The following DCLK2 variants were observed in gnomAD, a reference collection of about 807,000 sequenced individuals.
The protein encoded by DCLK2 is doublecortin like kinase 2.
A neutral mutation model predicts 78.4 loss-of-function variants in DCLK2; 31 were observed. The ratio of observed to expected loss-of-function variants is 0.40; its 90% CI spans 0.30 to 0.53. DCLK2 has a LOEUF of 0.53. Ranked by LOEUF, DCLK2 falls within the 20% of genes least tolerant of loss-of-function variation. DCLK2 has a pLI of 0.61. For missense variants in DCLK2, 872 were observed against 973.7 expected (o/e 0.90, Z 1.39); for synonymous variants, 407 against 374.9 (o/e 1.09, Z -0.99).
chr4:150,213,656 T>A (rs1580728877), intron 5 of DCLK2, among the ~76,000 whole-genome samples: 1 of 152,068 alleles, frequency 6.6e-6, no homozygotes, highest in African/African-American at 2.4e-5. Context: ...AAAGAAAAAA[T>A]TTATCTTAAA....
At chr4:150,150,628 C>G (rs1474729882) in intron 2 of DCLK2, among the ~76,000 whole-genome samples, 1 of 152,036 alleles carries the variant, frequency 6.6e-6, no homozygotes, top group Non-Finnish European at 1.5e-5. Context: ...ACCCTTGAGC[C>G]TGACACTTCT....
chr4:150,246,734 G>T (rs1409846092), intron 12 of DCLK2, among the ~76,000 whole-genome samples: 1 of 152,158 alleles, frequency 6.6e-6, no homozygotes, highest in East Asian at 1.9e-4. Context: ...TTCCCCAGTG[G>T]TGTTTCCACA....
intron 3 of DCLK2, among the ~76,000 whole-genome samples, chr4:150,195,452 T>TATATATATA (rs1738957441): frequency 1.5e-5 from 1 of 68,538 alleles, no homozygotes; most frequent in East Asian, 3.8e-4. Context: ...TAATATATAT[T>TATATATATA]AGATATATTA....
At chr4:150,239,592 C>T in intron 10 of DCLK2, 150 bp from the exon 11 acceptor site, 1 of 1,028,104 alleles carries the variant, frequency 9.7e-7, no homozygotes, top group Non-Finnish European at 1.4e-6. Flanking sequence ...CAAAGCGAGA[C>T]CGTGTCTTCA....
intron 2 of DCLK2, among the ~76,000 whole-genome samples, chr4:150,109,722 C>G (rs1346434869): frequency 6.6e-6 from 1 of 152,148 alleles, no homozygotes; most frequent in Non-Finnish European, 1.5e-5. Flanking sequence ...GTGGGTAGCC[C>G]TGGTCTGCCT....
intron 4 of DCLK2, 82 bp from the exon 5 acceptor site, chr4:150,203,713 T>C: frequency 8.8e-7 from 1 of 1,135,094 alleles, no homozygotes; most frequent in Non-Finnish European, 1.3e-6. Flanking sequence ...ACCTATATTG[T>C]GCATGCACCT....
In DCLK2 at chr4:150,256,008, T is replaced by C. The variant is rs370573587; in HGVS notation, c.2074-12T>C. ...CCCGGGTAATGTGTTGTCTCTGCTG[T>C]TTCCTCCTCAGAACACGGCTCTAGA... On this transcript the variant is annotated splice_polypyrimidine_tract_variant and intron_variant, in intron 15 of 15. Coordinates refer to ENST00000296550, the MANE Select transcript of DCLK2 (RefSeq NM_001040260.4). 13 of 1,611,400 alleles carry C rather than the reference T, an allele frequency of 8.1e-6. No individual in the cohort carries two copies. In the African/African-American group the frequency reaches 1.6e-4, roughly 20 times the overall value.
At chr4:150,202,314 G>C (rs1170438568) in intron 4 of DCLK2, among the ~76,000 whole-genome samples, 3 of 152,214 alleles carry the variant, frequency 2.0e-5, no homozygotes, top group South Asian at 2.1e-4. Flanking sequence ...TGCTACACTT[G>C]TATTCTAAGT....
At chr4:150,096,845 A>AC (rs1224146722) in intron 1 of DCLK2, among the ~76,000 whole-genome samples, 1 of 152,174 alleles carries the variant, frequency 6.6e-6, no homozygotes, top group African/African-American at 2.4e-5. Flanking sequence ...AAGTGGAAAA[A>AC]CAGATGAGGA....
chr4:150,106,726 T>C (rs1731282289), intron 2 of DCLK2, among the ~76,000 whole-genome samples: 1 of 152,212 alleles, frequency 6.6e-6, no homozygotes. Context: ...ATGTTTCTGA[T>C]TGAAGACATG....
intron 2 of DCLK2, among the ~76,000 whole-genome samples, chr4:150,103,351 T>C (rs900109054): frequency 1.3e-5 from 2 of 152,028 alleles, no homozygotes; most frequent in Non-Finnish European, 2.9e-5. Context: ...TTTTGAAAAA[T>C]GAAAAATTGC....
chr4:150,120,176 C>A (rs1011369992), intron 2 of DCLK2, among the ~76,000 whole-genome samples: 2 of 152,122 alleles, frequency 1.3e-5, no homozygotes, highest in Non-Finnish European at 2.9e-5. Context: ...GGATGTATAA[C>A]CGATACAGGA....
chr4:150,092,096 A>G (rs1348623910), intron 1 of DCLK2, among the ~76,000 whole-genome samples: 2 of 152,000 alleles, frequency 1.3e-5, no homozygotes, highest in Admixed American at 6.6e-5. Flanking sequence ...ATTTAACATA[A>G]TGTCCCCCAG....
chr4:150,255,007 G>C (rs1744457972), intron 15 of DCLK2, among the ~76,000 whole-genome samples: 1 of 152,202 alleles, frequency 6.6e-6, no homozygotes, highest in Non-Finnish European at 1.5e-5. Context: ...GCTTGAACTT[G>C]TGAGGGCCTG....
intron 2 of DCLK2, among the ~76,000 whole-genome samples, chr4:150,157,714 C>T (rs1302602192): frequency 2.0e-5 from 3 of 152,074 alleles, no homozygotes; most frequent in South Asian, 2.1e-4. Context: ...GGTTTCACCA[C>T]GTTGGCCAGG....
intron 2 of DCLK2, among the ~76,000 whole-genome samples, chr4:150,111,694 A>G (rs889754162): frequency 2.6e-5 from 4 of 152,182 alleles, no homozygotes; most frequent in African/African-American, 9.6e-5. Flanking sequence ...ATTCTTCTAC[A>G]TGTGATTATC....
At chr4:150,241,432 T>A (rs1742919117) in intron 12 of DCLK2, among the ~76,000 whole-genome samples, 1 of 152,206 alleles carries the variant, frequency 6.6e-6, no homozygotes, top group African/African-American at 2.4e-5. Context: ...TGAATTACTC[T>A]GAAGCAGAAG....
At chr4:150,160,378 G>A (rs1386202214) in intron 2 of DCLK2, among the ~76,000 whole-genome samples, 1 of 152,100 alleles carries the variant, frequency 6.6e-6, no homozygotes, top group African/African-American at 2.4e-5. Flanking sequence ...AGAGTTACAT[G>A]TTTGTTATTT....
chr4:150,118,141 T>C (rs940435217), intron 2 of DCLK2, among the ~76,000 whole-genome samples: 1 of 152,128 alleles, frequency 6.6e-6, no homozygotes, highest in Non-Finnish European at 1.5e-5. Context: ...GATCAGGCTC[T>C]GGGAGAGGCT....
Sources: allele counts gnomAD v4.1 joint callset (sites outside exome capture counted in the v4.1 genomes callset), GRCh38; gene constraint gnomAD v4.1.1; transcripts MANE v1.5; gene names NCBI Gene and HGNC (gene_info 2026-07-23, HGNC 2026-07-21).